NLGN4Y: variants seen among roughly 807,000 people sequenced by gnomAD.
The protein encoded by NLGN4Y is neuroligin 4 Y-linked, also known as neuroligin-4, Y-linked.
Under a neutral mutation model 8.4 loss-of-function variants are expected in NLGN4Y, and 4 were observed. The observed-to-expected ratio is 0.48, with a 90% CI of 0.23 to 1.09. The LOEUF (loss-of-function observed/expected upper bound fraction) is 1.09, where lower values mean the gene tolerates loss of function less well. Ranked by LOEUF, NLGN4Y falls within the 50% of genes least tolerant of loss-of-function variation. The pLI is 0.19. For synonymous variants in NLGN4Y, 35 were observed against 75.6 expected, an observed-to-expected ratio of 0.46 and a Z score of 2.78; for missense variants, 90 against 192.3, an observed-to-expected ratio of 0.47 and a Z score of 3.15.
intron 2 of NLGN4Y, among the ~76,000 whole-genome samples, chrY:14,704,680 C>T (rs2080869413): frequency 9.1e-5 from 3 of 32,908 alleles, no homozygotes; most frequent in South Asian, 6.9e-4. Context: ...CCTCATAAAA[C>T]GAGTTAGGGA....
chrY:14,628,389 T>A, intron 2 of NLGN4Y, among the ~76,000 whole-genome samples: 3 of 33,968 alleles, frequency 8.8e-5, no homozygotes, highest in Non-Finnish European at 1.5e-4. Context: ...TCGGTGAAGC[T>A]TGGAGCTTTA....
chrY:14,526,510 G>T (rs2080094683), intron 1 of NLGN4Y, among the ~76,000 whole-genome samples: 4 of 31,220 alleles, frequency 1.3e-4, no homozygotes, highest in Admixed American at 1.2e-3. Context: ...CATAATCAGG[G>T]CCATTGTAGG....
intron 2 of NLGN4Y, among the ~76,000 whole-genome samples, chrY:14,682,105 G>A (rs2150533620): frequency 1.2e-4 from 4 of 33,636 alleles, no homozygotes; most frequent in African/African-American, 4.6e-4. Flanking sequence ...AATGCATGAA[G>A]GACAGAATTT....
chrY:14,664,012 G>C (rs2080684372), intron 2 of NLGN4Y, among the ~76,000 whole-genome samples: 1 of 32,083 alleles, frequency 3.1e-5, no homozygotes, highest in Admixed American at 2.9e-4. Flanking sequence ...TCATGTTGAT[G>C]ACATTGAGAA....
In NLGN4Y at chrY:14,792,851, AGT is replaced by A. The variant is rs1569375425; in HGVS notation, c.686-31298_686-31297del. 0.01 allele frequency among the ~76,000 whole-genome samples: 93 copies of A among 9,067 alleles called. No homozygotes were observed. The South Asian group carries it at 0.11, about 11-fold the overall frequency. The allele number at this position is 9,067 out of a possible 37,273, so 24.3% of individuals were successfully genotyped here. A position where few individuals can be genotyped will look rare whatever the true frequency, so the allele number is the denominator to read the frequency against. ...TCAACTACATGTAGAAGAGAGAGAGAGTGTGTGTGTGTGTGTGTGTGTGTGTG... is the reference window on the plus strand; with the variant it reads ...TCAACTACATGTAGAAGAGAGAGAGAGTGTGTGTGTGTGTGTGTGTGTGTG... On this transcript the variant is annotated intron_variant, in intron 4 of 6. Transcript: ENST00000684976.
chrY:14,830,415 C>T lies in NLGN4Y; in HGVS notation c.1557C>T (p.Ile519=). The T allele has an allele frequency of 2.5e-6, 1 of 397,415 alleles. No individual in the cohort carries two copies. Among genetic ancestry groups the T allele is most frequent in the Non-Finnish European group, 3.5e-6 (1 of 283,362 alleles). ...HGDEVPYVFG[I]PMIGPTELFS... ...ATGAAGTCCCCTATGTCTTCGGCATCCCCATGATCGGTCCCACAGAGCTCT... is the reference window on the plus strand; with the variant it reads ...ATGAAGTCCCCTATGTCTTCGGCATTCCCATGATCGGTCCCACAGAGCTCT... The change falls in exon 6 of 7, where the codon ATC becomes ATT. Residue 519 remains isoleucine, a synonymous_variant. Transcript: ENST00000684976.
chrY:14,695,095 G>A (rs2150539255), intron 2 of NLGN4Y, among the ~76,000 whole-genome samples: 1 of 33,924 alleles, frequency 2.9e-5, no homozygotes, highest in East Asian at 8.1e-4. Context: ...CAAATTAAAA[G>A]CACTAAGGAA....
At chrY:14,783,021 G>C (rs2042948440) in intron 4 of NLGN4Y, among the ~76,000 whole-genome samples, 1 of 33,651 alleles carries the variant, frequency 3.0e-5, no homozygotes, top group African/African-American at 1.2e-4. Context: ...TTGTGCAACT[G>C]CATGCAAACT....
chrY:14,544,778 C>CTT (rs2080162466), intron 1 of NLGN4Y, among the ~76,000 whole-genome samples: 156 of 25,427 alleles, frequency 6.1e-3, no homozygotes, highest in Admixed American at 0.038. Context: ...GTGCAATTTT[C>CTT]TTTTTTTTTT....
intron 2 of NLGN4Y, among the ~76,000 whole-genome samples, chrY:14,665,337 G>T (rs763633113): frequency 2.1e-4 from 7 of 33,358 alleles, no homozygotes; most frequent in African/African-American, 8.2e-4. Context: ...GACAGTGAAG[G>T]TTGTCATGAC....
intron 2 of NLGN4Y, among the ~76,000 whole-genome samples, chrY:14,684,463 C>T: frequency 3.1e-5 from 1 of 32,765 alleles, no homozygotes. Context: ...AGCTTGCACT[C>T]ACGGTGGAAG....
At chrY:14,784,446 G>A (rs2042953751) in intron 4 of NLGN4Y, among the ~76,000 whole-genome samples, 1 of 33,296 alleles carries the variant, frequency 3.0e-5, no homozygotes, top group East Asian at 7.9e-4. Context: ...GGATCACGAG[G>A]TCAGGAGATC....
intron 4 of NLGN4Y, among the ~76,000 whole-genome samples, chrY:14,794,551 T>C (rs2042999018): frequency 3.0e-5 from 1 of 33,676 alleles, no homozygotes; most frequent in Non-Finnish European, 7.3e-5. Flanking sequence ...CACCCTATGG[T>C]TATTCCACAA....
At chrY:14,753,440 A>AT (rs2081048641) in intron 4 of NLGN4Y, among the ~76,000 whole-genome samples, 2 of 29,298 alleles carry the variant, frequency 6.8e-5, no homozygotes, top group Non-Finnish European at 1.6e-4. Context: ...CACCTGGCCA[A>AT]TTTTTTTTTC....
chrY:14,772,853 G>C (rs1603503806), intron 4 of NLGN4Y, among the ~76,000 whole-genome samples: 1 of 32,594 alleles, frequency 3.1e-5, no homozygotes, highest in African/African-American at 1.2e-4. Context: ...AAAGGCCTTC[G>C]GTAAAAATTC....
chrY:14,758,180 C>T (rs768736156), intron 4 of NLGN4Y, among the ~76,000 whole-genome samples: 26 of 33,438 alleles, frequency 7.8e-4, no homozygotes, highest in African/African-American at 3.0e-3. Flanking sequence ...TTGGCATTTC[C>T]ACCAGCTTTT....
At chrY:14,790,074 C>A in intron 4 of NLGN4Y, among the ~76,000 whole-genome samples, 1 of 32,416 alleles carries the variant, frequency 3.1e-5, no homozygotes, top group Non-Finnish European at 7.5e-5. Flanking sequence ...TGGAACATAA[C>A]TGGGCACTGA....
intron 1 of NLGN4Y, among the ~76,000 whole-genome samples, chrY:14,578,804 C>A: frequency 3.0e-5 from 1 of 33,306 alleles, no homozygotes; most frequent in Non-Finnish European, 7.4e-5. Context: ...AGATGCAAAC[C>A]GTCTCAAGAA....
chrY:14,832,264 G>C, intron 6 of NLGN4Y, among the ~76,000 whole-genome samples: 2 of 33,958 alleles, frequency 5.9e-5, no homozygotes, highest in Admixed American at 5.3e-4. Context: ...CAAACATATA[G>C]CATGTTAGCA....
Sources: allele counts gnomAD v4.1 joint callset (sites outside exome capture counted in the v4.1 genomes callset), GRCh38; gene constraint gnomAD v4.1.1; transcripts MANE v1.5; gene names NCBI Gene and HGNC (gene_info 2026-07-23, HGNC 2026-07-21).